The following ROS1 variants were observed in gnomAD, a reference collection of about 807,000 sequenced individuals.
ROS1 encodes proto-oncogene tyrosine-protein kinase ROS.
In ROS1, 263 loss-of-function variants were observed where a neutral mutation model predicts 273.5. The ratio of observed to expected loss-of-function variants is 0.96; its 90% confidence interval spans 0.87 to 1.06. The LOEUF (loss-of-function observed/expected upper bound fraction) is 1.06, where lower values mean the gene tolerates loss of function less well. ROS1 is among the 50% of genes least tolerant of loss of function. The pLI is 0.00. For synonymous variants in ROS1, 1,008 were observed against 954.1 expected (o/e 1.06, Z -1.04); for missense variants, 2,833 against 2,751.1 (o/e 1.03, Z -0.67).
At chr6:117,406,961 T>C (rs1300702271) in intron 5 of ROS1, among the ~76,000 whole-genome samples, 1 of 152,008 alleles carries the variant, frequency 6.6e-6, no homozygotes, top group African/African-American at 2.4e-5. Context: ...GTGTCTAAAA[T>C]ACTCCATGGC....
intron 39 of ROS1, among the ~76,000 whole-genome samples, chr6:117,316,410 T>A (rs1557569): frequency 0.031 from 4,650 of 150,498 alleles, 171 homozygotes; most frequent in African/African-American, 0.086. Context: ...GATATAAAAA[T>A]TTTTTTAATC....
chr6:117,385,700 C>A lies in ROS1; in HGVS notation c.2272G>T (p.Ala758Ser). The change falls in exon 16 of 44, where the codon GCT becomes TCT. Residue 758 changes from alanine to serine, a missense_variant. Coordinates refer to ENST00000368507, the MANE Select transcript of ROS1 (RefSeq NM_001378902.1). Reference sequence around the variant, plus strand: ...TAACTCACCACATATGTCTTTCCAGCCCAGTAGAGAAAGTGACCCAGCCAC... The same window carrying A: ...TAACTCACCACATATGTCTTTCCAGACCAGTAGAGAAAGTGACCCAGCCAC... The part of the protein sequence containing the change: ...FEWLGHFLYW[A>S]GKTYVIQRQS... 1.2e-6 allele frequency: 2 copies of A among 1,613,992 alleles called. No homozygotes were observed. Among genetic ancestry groups the A allele is most frequent in the Non-Finnish European group, 1.7e-6 (2 of 1,179,990 alleles).
At chr6:117,393,638 T>C (rs1773251432) in intron 11 of ROS1, among the ~76,000 whole-genome samples, 1 of 152,226 alleles carries the variant, frequency 6.6e-6, no homozygotes, top group Non-Finnish European at 1.5e-5. Context: ...CTTACTGTGA[T>C]AAGCCTGTAC....
At chr6:117,335,113 A>G (rs1777372577) in intron 32 of ROS1, among the ~76,000 whole-genome samples, 1 of 152,260 alleles carries the variant, frequency 6.6e-6, no homozygotes, top group Admixed American at 6.5e-5. Context: ...GCTAATATCC[A>G]GAATGTACAA....
In ROS1 at chr6:117,344,936, A is replaced by G. The variant is rs543422126; in HGVS notation, c.4304-674T>C. Among the ~76,000 whole-genome samples the G allele has an allele frequency of 3.4e-4, 52 of 152,358 alleles. 1 individual carries two copies. The South Asian group carries it at 0.011, about 32-fold the overall frequency. ...GCAGGCTTAAGCCTCGAAAAATCGC[A>G]GATCTGTCACTTGCAGCTGAACACA... On this transcript the variant is annotated intron_variant, in intron 27 of 43. Transcript: ENST00000368507.
chr6:117,365,762 A>C (rs1165532638), intron 19 of ROS1, 21 bp from the exon 20 acceptor site: 1 of 1,505,760 alleles, frequency 6.6e-7, no homozygotes, highest in Non-Finnish European at 8.9e-7. Flanking sequence ...AAACAAAAAA[A>C]AGAAATAGGA....
chr6:117,361,464 T>C (rs1779796254), intron 22 of ROS1, among the ~76,000 whole-genome samples: 1 of 148,930 alleles, frequency 6.7e-6, no homozygotes, highest in African/African-American at 2.5e-5. Flanking sequence ...TACAAAACTG[T>C]GTTAAATGAA....
rs1489503636 is a variant in ROS1, at chr6:117,342,544, C to G, written c.4507G>C (p.Glu1503Gln). 6.8e-7 allele frequency: 1 copy of G among 1,463,580 alleles called. No individual in the cohort carries two copies. The highest frequency in any genetic ancestry group is 1.5e-5 in the African/African-American group (1 of 68,626). 90.7% of individuals were successfully genotyped at this position (1,463,580 alleles called of 1,614,324 possible). ...NSSDLKYRIL[E>Q]FQDSIALIED... Reference sequence around the variant, plus strand: ...ATAAGAGCTATACTGTCCTGAAATTCCTGTAATTGATTTTTTAAAAATCAA... The same window carrying G: ...ATAAGAGCTATACTGTCCTGAAATTGCTGTAATTGATTTTTTAAAAATCAA... The change falls in exon 29 of 44, where the codon GAA becomes CAA. Residue 1503 changes from glutamate to glutamine, a missense_variant and splice_region_variant. Glu to Gln is a conservative substitution (Grantham distance 29). Coordinates refer to ENST00000368507, the MANE Select transcript of ROS1 (RefSeq NM_001378902.1).
At position 117,418,643 on chromosome 6, in the gene ROS1, T is replaced by C. The variant is rs994165731; in HGVS notation, c.124-137A>G. ...AACTCTAAAGTAAAGAGCCAAATGTTTTAGAGGCATTAAATTCATCACTAC... is the reference window on the plus strand; with the variant it reads ...AACTCTAAAGTAAAGAGCCAAATGTCTTAGAGGCATTAAATTCATCACTAC... On this transcript the variant is annotated intron_variant, in intron 1 of 43. Transcript: ENST00000368507. 7.1e-6 allele frequency: 4 copies of C among 565,236 alleles called. No individual in the cohort carries two copies. In the Admixed American group the frequency reaches 1.2e-4, roughly 17 times the overall value. 35.0% of individuals were successfully genotyped at this position (565,236 alleles called of 1,614,324 possible). A position where few individuals can be genotyped will look rare whatever the true frequency, so the allele number is the denominator to read the frequency against.
intron 42 of ROS1, among the ~76,000 whole-genome samples, chr6:117,304,228 A>T (rs1180363402): frequency 6.6e-6 from 1 of 152,240 alleles, no homozygotes; most frequent in African/African-American, 2.4e-5. Context: ...AATGGGGATG[A>T]TACAAAGATG....
rs534894117 is a variant in ROS1 at position 117,382,422 on chromosome 6, A to C, written c.2481+895T>G. Among the ~76,000 whole-genome samples, 53 of 152,230 alleles carry C rather than the reference A, an allele frequency of 3.5e-4. 1 individual carries two copies. The South Asian group carries it at 0.011, about 30-fold the overall frequency. Reference sequence around the variant, plus strand: ...TTAAAATCATCTGGTATTCTGTATTATGTATATTTTATCTCTGCAGAAAAA... The same window carrying C: ...TTAAAATCATCTGGTATTCTGTATTCTGTATATTTTATCTCTGCAGAAAAA... On this transcript the variant is annotated intron_variant, in intron 17 of 43. Transcript: ENST00000368507.
chr6:117,412,591 C>CATAGATAG (rs1276840577), intron 4 of ROS1, among the ~76,000 whole-genome samples: 1 of 126,192 alleles, frequency 7.9e-6, no homozygotes, highest in Non-Finnish European at 1.6e-5. Flanking sequence ...TAGATAGGTA[C>CATAGATAG]ATAGATAGAT....
At chr6:117,317,997 A>T (rs1776036109) in intron 38 of ROS1, among the ~76,000 whole-genome samples, 191 bp downstream of exon 38, 1 of 152,130 alleles carries the variant, frequency 6.6e-6, no homozygotes, top group African/African-American at 2.4e-5. Context: ...TTGTCTGAGG[A>T]TTGCCTGTAC....
Position 117,383,506 on chromosome 6 carries a change from T to C in ROS1, c.2292A>G (p.Ile764Met). ...FLYWAGKTYV[I>M]QRQSVLTGHT... ...GTCCCGTCAACACAGACTGCCTTTG[T>C]ATCTAAAAAACATAATTGTATGGCC... The change falls in exon 17 of 44, where the codon ATA (isoleucine) becomes ATG (methionine). Residue 764 changes from isoleucine (I) to methionine (M), a missense_variant and splice_region_variant. Ile to Met is a conservative substitution (Grantham distance 10). Coordinates refer to ENST00000368507, the MANE Select transcript of ROS1 (RefSeq NM_001378902.1). The C allele has an allele frequency of 6.2e-7, 1 of 1,612,920 alleles. No homozygotes were observed. Among genetic ancestry groups the C allele is most frequent in the South Asian group, 1.1e-5 (1 of 91,028 alleles).
chr6:117,308,776 T>C lies in ROS1; in HGVS notation c.6551+18A>G. 6.2e-7 allele frequency: 1 copy of C among 1,610,272 alleles called. No individual in the cohort carries two copies. Among genetic ancestry groups the C allele is most frequent in the Non-Finnish European group, 8.5e-7 (1 of 1,178,430 alleles). ...TGTTTTTGTTTGGGGGATACATATG[T>C]TAACATAATTAACTTACAGATCATC... is the stretch of plus-strand genomic sequence containing the variant. On this transcript the variant is annotated intron_variant, in intron 42 of 43. Transcript: ENST00000368507.
intron 43 of ROS1, among the ~76,000 whole-genome samples, chr6:117,295,467 T>C (rs191816636): frequency 3.9e-5 from 6 of 152,100 alleles, no homozygotes; most frequent in African/African-American, 1.4e-4. Flanking sequence ...GCACAGGCAG[T>C]CAAAGCAAAA....
chr6:117,315,508 G>A (rs1352428619), intron 39 of ROS1, among the ~76,000 whole-genome samples: 1 of 152,082 alleles, frequency 6.6e-6, no homozygotes, highest in African/African-American at 2.4e-5. Flanking sequence ...AATCAGAGTG[G>A]CATAAGAATT....
chr6:117,303,637 G>C (rs1165748369), intron 42 of ROS1, among the ~76,000 whole-genome samples: 6 of 152,194 alleles, frequency 3.9e-5, no homozygotes, highest in Non-Finnish European at 7.3e-5. Context: ...GGCAGGCAAG[G>C]AGTTGGATTT....
In ROS1 at chr6:117,365,074, C is replaced by T. The variant is rs769418999; in HGVS notation, c.3089G>A (p.Arg1030Gln). The T allele has an allele frequency of 3.1e-6, 5 of 1,613,224 alleles. No individual in the cohort carries two copies. In the South Asian group the frequency reaches 3.3e-5, roughly 11 times the overall value. Residue 1030 changes from arginine to glutamine, a missense_variant, in exon 21 of 44, where the codon CGA becomes CAA. By Grantham distance (43) the Arg-to-Gln change is conservative. Coordinates refer to ENST00000368507, the MANE Select transcript of ROS1 (RefSeq NM_001378902.1). ...GKGPKTSLSL[R>Q]APETVPSAPE... ...AACCCCTGTACCTGTTTCAGGTGCTCGAAGTGACAGAGATGTTTTGGGGCC... is the reference window on the plus strand; with the variant it reads ...AACCCCTGTACCTGTTTCAGGTGCTTGAAGTGACAGAGATGTTTTGGGGCC...
Sources: gnomAD v4.1 joint callset for allele counts (sites outside exome capture counted in the v4.1 genomes callset) on GRCh38, gnomAD v4.1.1 for gene constraint, MANE v1.5 for transcripts, NCBI Gene and HGNC (gene_info 2026-07-23, HGNC 2026-07-21) for gene names.